The following USP34 variants were observed in gnomAD, a reference collection of about 807,000 sequenced individuals.
The protein encoded by USP34 is ubiquitin specific peptidase 34, also known as ubiquitin carboxyl-terminal hydrolase 34.
In USP34, 70 loss-of-function variants were observed where a neutral mutation model predicts 460.3. The ratio of observed to expected loss-of-function variants is 0.15; its 90% CI spans 0.13 to 0.19. The LOEUF (loss-of-function observed/expected upper bound fraction) is 0.19. Among genes scored for constraint, USP34 ranks in the 10% least tolerant of loss-of-function variants. The pLI is 1.00. For missense variants in USP34, 3,985 were observed against 4,236.2 expected, an observed-to-expected ratio of 0.94 and a Z score of 1.65; for synonymous variants, 1,647 against 1,405.3, an observed-to-expected ratio of 1.17 and a Z score of -3.85.
chr2:61,256,160 G>A (rs1688719270), intron 48 of USP34, among the ~76,000 whole-genome samples: 1 of 152,124 alleles, frequency 6.6e-6, no homozygotes, highest in Non-Finnish European at 1.5e-5. Context: ...AATCTATACT[G>A]TTTCAAGTTG....
At chr2:61,326,437 C>T (rs1051883638) in intron 20 of USP34, among the ~76,000 whole-genome samples, 11 of 152,076 alleles carry the variant, frequency 7.2e-5, no homozygotes, top group African/African-American at 2.4e-4. Flanking sequence ...CCATGTTGGC[C>T]AGGCTGTCTC....
chr2:61,188,891 AGT>A lies in USP34; in HGVS notation c.10033+17_10033+18del. 4.3e-6 allele frequency: 7 copies of A among 1,613,652 alleles called. No individual in the cohort carries two copies. Among genetic ancestry groups the A allele is most frequent in the Non-Finnish European group, 5.9e-6 (7 of 1,179,788 alleles). ...CTCCTCCCACCCTAAAGGTAATGAT[AGT>A]AGTCCATAAAGCTAACCTTTAGTTT... On this transcript the variant is annotated intron_variant, in intron 79 of 79. Coordinates refer to ENST00000398571, the MANE Select transcript of USP34 (RefSeq NM_014709.4).
At chr2:61,440,697 T>TA (rs1694938984) in intron 1 of USP34, among the ~76,000 whole-genome samples, 1 of 151,688 alleles carries the variant, frequency 6.6e-6, no homozygotes, top group Non-Finnish European at 1.5e-5. Flanking sequence ...TTTGTATTTT[T>TA]AGTAGAGATG....
chr2:61,451,597 G>T (rs1183635500), intron 1 of USP34, among the ~76,000 whole-genome samples: 1 of 151,506 alleles, frequency 6.6e-6, no homozygotes, highest in Non-Finnish European at 1.5e-5. Flanking sequence ...CAGGAGAATC[G>T]TTTCAACCTG....
At chr2:61,233,071 G>A (rs1246812840) in intron 57 of USP34, among the ~76,000 whole-genome samples, 1 of 151,782 alleles carries the variant, frequency 6.6e-6, no homozygotes, top group East Asian at 1.9e-4. Context: ...TGTTGGCCAG[G>A]CTGGTCTTGA....
chr2:61,423,058 T>G (rs532036266), intron 1 of USP34, among the ~76,000 whole-genome samples: 61 of 152,266 alleles, frequency 4.0e-4, no homozygotes, highest in Admixed American at 1.5e-3. Context: ...ATAAGTGAAT[T>G]CAACAAAGTT....
At chr2:61,334,000 A>T in intron 18 of USP34, 29 bp from the exon 19 acceptor site, 1 of 1,462,570 alleles carries the variant, frequency 6.8e-7, no homozygotes, top group South Asian at 1.3e-5. Context: ...TCACAAAATA[A>T]TTTTAGTAAT....
At chr2:61,426,730 T>C (rs1008714724) in intron 1 of USP34, among the ~76,000 whole-genome samples, 3 of 152,002 alleles carry the variant, frequency 2.0e-5, no homozygotes, top group Non-Finnish European at 2.9e-5. Context: ...GTAGCCAGAG[T>C]GCAGTTACAG....
chr2:61,235,050 G>A (rs1320314675), intron 57 of USP34, among the ~76,000 whole-genome samples: 1 of 152,106 alleles, frequency 6.6e-6, no homozygotes, highest in African/African-American at 2.4e-5. Context: ...AAAAAATTTT[G>A]CACAGTTTAC....
intron 1 of USP34, among the ~76,000 whole-genome samples, chr2:61,427,883 C>G (rs1248782046): frequency 3.3e-5 from 5 of 152,132 alleles, no homozygotes; most frequent in Admixed American, 3.3e-4. Flanking sequence ...TTTTTGGTGG[C>G]CAGGCACAGT....
intron 61 of USP34, among the ~76,000 whole-genome samples, chr2:61,227,527 A>G (rs574781185): frequency 1.3e-5 from 2 of 152,256 alleles, no homozygotes; most frequent in South Asian, 4.1e-4. Flanking sequence ...CCTGGCCGAC[A>G]TGGTGAAACT....
chr2:61,267,878 C>A (rs1689099656), intron 41 of USP34, among the ~76,000 whole-genome samples: 1 of 152,116 alleles, frequency 6.6e-6, no homozygotes, highest in Admixed American at 6.6e-5. Context: ...CCTCGGCCTC[C>A]CAAAGTGCTG....
chr2:61,233,142 G>C (rs977773712), intron 57 of USP34, among the ~76,000 whole-genome samples: 24 of 152,068 alleles, frequency 1.6e-4, no homozygotes, highest in African/African-American at 5.8e-4. Context: ...TTATAGGCGT[G>C]AGCCATGTCA....
At chr2:61,318,198 A>G (rs1318316033) in intron 22 of USP34, among the ~76,000 whole-genome samples, 2 of 151,862 alleles carry the variant, frequency 1.3e-5, no homozygotes, top group African/African-American at 4.8e-5. Flanking sequence ...CTCAAAAAAA[A>G]AAAAAAAAAT....
Position 61,325,415 on chromosome 2 carries a change from C to T in USP34, c.2973G>A (p.Leu991=), listed in dbSNP as rs1362502499. 2 of 1,553,846 alleles carry T rather than the reference C, an allele frequency of 1.3e-6. No homozygotes were observed. Among genetic ancestry groups the T allele is most frequent in the East Asian group, 2.4e-5 (1 of 41,942 alleles). The part of the protein sequence containing the change: ...SAEVQVRLQF[L]TCVFSTLGSP... ...ATCCCAGAGTTGAAAATACACAAGTCAAGAATTGAAGACGAACTTGAACTT... is the reference window on the plus strand; with the variant it reads ...ATCCCAGAGTTGAAAATACACAAGTTAAGAATTGAAGACGAACTTGAACTT... Residue 991 remains leucine, a synonymous_variant, in exon 21 of 80, where the codon TTG becomes TTA. Transcript: ENST00000398571.
In USP34 at chr2:61,248,732, C is replaced by G. The variant is rs373008314; in HGVS notation, c.6222-49G>C. On this transcript the variant is annotated intron_variant, in intron 48 of 79. Transcript: ENST00000398571. The stretch of plus-strand genomic sequence containing the variant: ...TAAAGATTATTTTTTACAAATACTT[C>G]AGTTGGTTTGATTTCTGTTATGCTA... 15 of 1,487,510 alleles carry G rather than the reference C, an allele frequency of 1.0e-5. No homozygotes were observed. In the South Asian group the frequency reaches 1.4e-4, roughly 14 times the overall value. 92.1% of individuals were successfully genotyped at this position (1,487,510 alleles called of 1,614,324 possible).
intron 15 of USP34, among the ~76,000 whole-genome samples, chr2:61,346,511 G>C (rs1265262613): frequency 8.9e-6 from 1 of 112,682 alleles, no homozygotes; most frequent in East Asian, 3.1e-4. Context: ...AGGTGACAAA[G>C]TGAGACCCTA....
intron 69 of USP34, 66 bp from the exon 70 acceptor site, chr2:61,209,043 A>G: frequency 1.1e-6 from 1 of 910,154 alleles, no homozygotes; most frequent in Admixed American, 2.8e-5. Flanking sequence ...GGTGATGAAA[A>G]AATAAAAAGA....
chr2:61,315,540 A>T (rs1012998866), intron 23 of USP34, among the ~76,000 whole-genome samples: 3 of 151,888 alleles, frequency 2.0e-5, no homozygotes, highest in Non-Finnish European at 4.4e-5. Flanking sequence ...CATCTGGCTA[A>T]TTTTTTTGTA....
Sources: allele counts gnomAD v4.1 joint callset (sites outside exome capture counted in the v4.1 genomes callset), GRCh38; gene constraint gnomAD v4.1.1; transcripts MANE v1.5; gene names NCBI Gene and HGNC (gene_info 2026-07-23, HGNC 2026-07-21).